The following SNTG1 variants were observed in gnomAD, a reference collection of about 807,000 sequenced individuals.
SNTG1 encodes the protein syntrophin gamma 1, also known as gamma-1-syntrophin.
SNTG1 carries 39 observed loss-of-function variants against 74.7 expected under a neutral mutation model. The ratio of observed to expected loss-of-function variants is 0.52; its 90% confidence interval spans 0.40 to 0.68. The LOEUF (loss-of-function observed/expected upper bound fraction) is 0.68, where lower values mean the gene tolerates loss of function less well. SNTG1 is among the 30% of genes least tolerant of loss of function. The pLI, the probability that SNTG1 is intolerant of heterozygous loss-of-function variation, is 0.00. For missense variants in SNTG1, 685 were observed against 609.5 expected (o/e 1.12, Z -1.30); for synonymous variants, 254 against 217.1 (o/e 1.17, Z -1.49).
chr8:50,521,683 T>C (rs2094180845), intron 9 of SNTG1, among the ~76,000 whole-genome samples: 1 of 152,204 alleles, frequency 6.6e-6, no homozygotes, highest in Non-Finnish European at 1.5e-5. Context: ...AATTAGTCAA[T>C]CTTCTTAAAC....
At chr8:50,101,813 G>T (rs549270371) in intron 1 of SNTG1, among the ~76,000 whole-genome samples, 68 of 151,954 alleles carry the variant, frequency 4.5e-4, no homozygotes, top group African/African-American at 1.5e-3. Flanking sequence ...GCGGTGTTTG[G>T]TTTTTTGTCC....
intron 1 of SNTG1, among the ~76,000 whole-genome samples, chr8:49,916,922 G>A (rs1419650825): frequency 1.3e-5 from 2 of 151,972 alleles, no homozygotes; most frequent in African/African-American, 4.8e-5. Context: ...CTACTCAGGA[G>A]GCTGAGGTAG....
intron 4 of SNTG1, among the ~76,000 whole-genome samples, chr8:50,411,516 C>T (rs560744770): frequency 5.9e-4 from 90 of 151,262 alleles, no homozygotes; most frequent in African/African-American, 2.0e-3. Context: ...GGAAGGGAAA[C>T]ATTTTTCAGG....
intron 1 of SNTG1, among the ~76,000 whole-genome samples, chr8:50,132,478 CAGA>C (rs1291072015): frequency 6.6e-6 from 1 of 151,994 alleles, no homozygotes; most frequent in Non-Finnish European, 1.5e-5. Context: ...CTGAGACAGG[CAGA>C]ATATAGACAT....
chr8:50,590,865 A>C lies in SNTG1; in HGVS notation c.811-14A>C, dbSNP rs1563619901. ...ATTGTTCTTCTCACTTTTATTATTT[A>C]TTTATCATTGCAGATTAAAAAAATC... On this transcript the variant is annotated splice_polypyrimidine_tract_variant and intron_variant, in intron 12 of 18. Transcript: ENST00000642720. 6.6e-7 allele frequency: 1 copy of C among 1,519,410 alleles called. No individual in the cohort carries two copies. 94.1% of individuals were successfully genotyped at this position (1,519,410 alleles called of 1,614,324 possible).
At position 50,652,105 on chromosome 8, in the gene SNTG1, A is replaced by G. The variant is rs1194429971; in HGVS notation, c.850-4804A>G. On this transcript the variant is annotated intron_variant, in intron 13 of 18. Transcript: ENST00000642720. ...TGTGAACTATGTTGCTTAATTTTCA[A>G]ATCTTTTGGAGGGGGATATTCTAAT... Among the ~76,000 whole-genome samples the G allele has an allele frequency of 2.0e-5, 3 of 152,060 alleles. No homozygotes were observed. In the East Asian group the frequency reaches 5.8e-4, roughly 29 times the overall value.
intron 18 of SNTG1, among the ~76,000 whole-genome samples, chr8:50,787,478 A>G (rs2095678992): frequency 6.6e-6 from 1 of 151,996 alleles, no homozygotes; most frequent in Non-Finnish European, 1.5e-5. Context: ...CATATGACCC[A>G]GCAATTCCAC....
At chr8:50,273,297 A>G (rs2087891594) in intron 2 of SNTG1, among the ~76,000 whole-genome samples, 1 of 152,204 alleles carries the variant, frequency 6.6e-6, no homozygotes, top group Non-Finnish European at 1.5e-5. Flanking sequence ...AAAATGGTTC[A>G]AAATGTTTTG....
At chr8:50,766,773 T>C (rs957348845) in intron 18 of SNTG1, among the ~76,000 whole-genome samples, 1 of 151,874 alleles carries the variant, frequency 6.6e-6, no homozygotes, top group African/African-American at 2.4e-5. Flanking sequence ...TGTCCTCCCA[T>C]GCATCCAAGA....
In SNTG1 at chr8:50,059,844, C is replaced by T. The variant is rs368749052; in HGVS notation, c.-102-112717C>T. Reference sequence around the variant, plus strand: ...GTGTGGACATAGTGTTGTCATTTCTCTTAAGTATATACCTAGAAGTAAAAT... The same window carrying T: ...GTGTGGACATAGTGTTGTCATTTCTTTTAAGTATATACCTAGAAGTAAAAT... On this transcript the variant is annotated intron_variant, in intron 1 of 18. Transcript: ENST00000642720. Among the ~76,000 whole-genome samples the T allele has an allele frequency of 6.1e-4, 92 of 152,042 alleles. 1 individual carries two copies. Among genetic ancestry groups the T allele is most frequent in the Non-Finnish European group, 1.0e-3 (68 of 67,966 alleles).
chr8:50,150,324 T>A (rs1335512724), intron 1 of SNTG1, among the ~76,000 whole-genome samples: 1 of 152,144 alleles, frequency 6.6e-6, no homozygotes, highest in Non-Finnish European at 1.5e-5. Context: ...AAATATACAA[T>A]CATGTCATCT....
chr8:50,725,493 A>T (rs1160790936), intron 17 of SNTG1, among the ~76,000 whole-genome samples: 1 of 152,210 alleles, frequency 6.6e-6, no homozygotes, highest in Non-Finnish European at 1.5e-5. Flanking sequence ...TCTTAATAAT[A>T]TAATAAACAA....
chr8:50,704,643 A>G lies in SNTG1; in HGVS notation c.1082A>G (p.Gln361Arg), dbSNP rs754803513. The G allele has an allele frequency of 6.2e-7, 1 of 1,614,092 alleles. No homozygotes were observed. The change falls in exon 16 of 19, where the codon CAG (glutamine) becomes CGG (arginine). Residue 361 changes from glutamine (Q) to arginine (R), a missense_variant. Coordinates refer to ENST00000642720, the MANE Select transcript of SNTG1 (RefSeq NM_018967.5). ...LDRRKQCFTV[Q>R]SESGEDLYFS... ...CGACGGAAACAGTGCTTCACCGTGC[A>G]GTCTGAGTCTGGGGAGGACCTGTAC...
At chr8:50,085,038 T>C (rs559943656) in intron 1 of SNTG1, among the ~76,000 whole-genome samples, 112 of 152,348 alleles carry the variant, frequency 7.4e-4, no homozygotes, top group African/African-American at 2.6e-3. Flanking sequence ...TGAACATGTT[T>C]GTAGTTTAAG....
chr8:50,386,678 G>A (rs1024732521), intron 2 of SNTG1, among the ~76,000 whole-genome samples: 4 of 152,124 alleles, frequency 2.6e-5, no homozygotes, highest in Non-Finnish European at 4.4e-5. Context: ...GCAGATGGAA[G>A]GGGAGCCAGC....
intron 1 of SNTG1, among the ~76,000 whole-genome samples, chr8:50,152,490 T>C (rs1463235532): frequency 2.0e-5 from 3 of 152,246 alleles, no homozygotes. Context: ...TGATGCAGTT[T>C]CTTCCTAGCA....
intron 5 of SNTG1, among the ~76,000 whole-genome samples, chr8:50,445,537 G>C (rs1459623836): frequency 6.6e-6 from 1 of 152,130 alleles, no homozygotes; most frequent in Non-Finnish European, 1.5e-5. Flanking sequence ...TTCTCAAAAT[G>C]CTTTAGATGG....
intron 13 of SNTG1, among the ~76,000 whole-genome samples, chr8:50,608,208 T>A (rs1054279547): frequency 1.3e-5 from 2 of 151,740 alleles, no homozygotes. Context: ...AAATGTCAAG[T>A]ATGTCAAACT....
At chr8:50,163,159 T>A (rs1234632403) in intron 1 of SNTG1, among the ~76,000 whole-genome samples, 4 of 152,150 alleles carry the variant, frequency 2.6e-5, no homozygotes, top group African/African-American at 9.7e-5. Flanking sequence ...CTCTGTAGAT[T>A]CTATCAACTG....
Sources: allele counts gnomAD v4.1 joint callset (sites outside exome capture counted in the v4.1 genomes callset), GRCh38; gene constraint gnomAD v4.1.1; transcripts MANE v1.5; gene names NCBI Gene and HGNC (gene_info 2026-07-23, HGNC 2026-07-21).